NDUFS6: variants seen among roughly 807,000 people sequenced by gnomAD.
The protein encoded by NDUFS6 is NADH dehydrogenase [ubiquinone] iron-sulfur protein 6, mitochondrial.
Under a neutral mutation model 13.2 loss-of-function variants are expected in NDUFS6, and 14 were observed. The ratio of observed to expected loss-of-function variants is 1.06; its 90% CI spans 0.70 to 1.66. NDUFS6 has a LOEUF of 1.66. Among genes scored for constraint, NDUFS6 ranks in the 40% most tolerant of loss-of-function variants. NDUFS6 has a pLI of 0.00. For missense variants in NDUFS6, 206 were observed against 170.8 expected, an observed-to-expected ratio of 1.21 and a Z score of -1.15; for synonymous variants, 95 against 72.3, an observed-to-expected ratio of 1.31 and a Z score of -1.60.
chr5:1,808,230 G>A (rs1007104005), intron 2 of NDUFS6, among the ~76,000 whole-genome samples: 2 of 152,188 alleles, frequency 1.3e-5, no homozygotes, highest in African/African-American at 4.8e-5. Context: ...TCCTTTAGGG[G>A]GTGTTTGAGA....
chr5:1,805,843 T>C (rs1734114117), intron 2 of NDUFS6, among the ~76,000 whole-genome samples: 1 of 152,216 alleles, frequency 6.6e-6, no homozygotes, highest in Non-Finnish European at 1.5e-5. Flanking sequence ...ATTTGCTTTT[T>C]TGGTTAGTAG....
intron 1 of NDUFS6, 153 bp from the exon 2 acceptor site, chr5:1,802,168 C>T (rs1473074364): frequency 4.5e-6 from 3 of 670,972 alleles, no homozygotes; most frequent in Non-Finnish European, 7.7e-6. Flanking sequence ...TAAAAATGCC[C>T]CTGATTACAC....
At chr5:1,815,496 A>G (rs541646028) in intron 3 of NDUFS6, among the ~76,000 whole-genome samples, 1 of 152,356 alleles carries the variant, frequency 6.6e-6, no homozygotes, top group South Asian at 2.1e-4. Flanking sequence ...GGCACCCGGC[A>G]TGTCCCCTCC....
Position 1,814,531 on chromosome 5 carries a change from T to C in NDUFS6, c.309+70T>C. On this transcript the variant is annotated intron_variant, in intron 3 of 3. Coordinates refer to ENST00000274137, the MANE Select transcript of NDUFS6 (RefSeq NM_004553.6). The surrounding 1 kb of genome is among the most constrained non-coding windows in gnomAD (Gnocchi z 4.9). Reference sequence around the variant, plus strand: ...TCCTCATACTCCCCTTCACTCCCAGTGCCTGTTCTTTCTGTCCTCTTCTCT... The same window carrying C: ...TCCTCATACTCCCCTTCACTCCCAGCGCCTGTTCTTTCTGTCCTCTTCTCT... 1.9e-6 allele frequency: 3 copies of C among 1,610,542 alleles called. No homozygotes were observed. The highest frequency in any genetic ancestry group is 2.5e-6 in the Non-Finnish European group (3 of 1,178,000).
At position 1,815,850 on chromosome 5, in the gene NDUFS6, G is replaced by A. The variant is rs1158556889; in HGVS notation, c.310-1G>A. Reference sequence around the variant, plus strand: ...ACATCATTCCTTTTGAATTTTTTCAGGACAAAGAAACAAAAACCGGCACAT... The same window carrying A: ...ACATCATTCCTTTTGAATTTTTTCAAGACAAAGAAACAAAAACCGGCACAT... On this transcript the variant is annotated splice_acceptor_variant, in intron 3 of 3. Transcript: ENST00000274137. LOFTEE classifies it high-confidence loss of function. 6.2e-7 allele frequency: 1 copy of A among 1,614,054 alleles called. No homozygotes were observed. The highest frequency in any genetic ancestry group is 8.5e-7 in the Non-Finnish European group (1 of 1,180,018).
chr5:1,812,945 C>T (rs1218327787), intron 2 of NDUFS6, among the ~76,000 whole-genome samples: 2 of 152,048 alleles, frequency 1.3e-5, no homozygotes, highest in South Asian at 2.1e-4. Flanking sequence ...CCCAGCTACT[C>T]GGGAGGCTGA....
In NDUFS6 at chr5:1,814,139, C is replaced by T. The variant is rs976855768; in HGVS notation, c.187-200C>T. Among the ~76,000 whole-genome samples the T allele has an allele frequency of 2.6e-5, 4 of 152,204 alleles. No homozygotes were observed. Among genetic ancestry groups the T allele is most frequent in the African/African-American group, 7.2e-5 (3 of 41,442 alleles). ...TGCTGGGATTCTTGCAGTGCCTCTC[C>T]GCGTTTGGAACTTTATTCCAGTGAA... is the stretch of plus-strand genomic sequence containing the variant. On this transcript the variant is annotated intron_variant, in intron 2 of 3. Coordinates refer to ENST00000274137, the MANE Select transcript of NDUFS6 (RefSeq NM_004553.6). This position sits in a 1 kb window ranked among gnomAD's most constrained non-coding sequence, Gnocchi z 4.9.
At chr5:1,802,085 C>T (rs1189712718) in intron 1 of NDUFS6, 18 of 531,872 alleles carry the variant, frequency 3.4e-5, no homozygotes, top group Non-Finnish European at 1.7e-5. Context: ...TCCTTAGCTC[C>T]ACCTTCCCGG....
Position 1,814,555 on chromosome 5 carries a change from C to G in NDUFS6, c.309+94C>G, listed in dbSNP as rs764133987. 6 of 1,586,262 alleles carry G rather than the reference C, an allele frequency of 3.8e-6. No individual in the cohort carries two copies. In the Admixed American group the frequency reaches 5.2e-5, roughly 14 times the overall value. ...GTGCCTGTTCTTTCTGTCCTCTTCT[C>G]TACCTGCTCCCGAGGCGGCCCTTAC... On this transcript the variant is annotated intron_variant, in intron 3 of 3. Coordinates refer to ENST00000274137, the MANE Select transcript of NDUFS6 (RefSeq NM_004553.6). The surrounding 1 kb of genome is among the most constrained non-coding windows in gnomAD (Gnocchi z 4.9).
At chr5:1,812,337 TCCAACAGAG>T (rs1734230778) in intron 2 of NDUFS6, among the ~76,000 whole-genome samples, 3 of 151,914 alleles carry the variant, frequency 2.0e-5, no homozygotes, top group African/African-American at 7.2e-5. Context: ...CTATTCAGTT[TCCAACAGAG>T]GAACTTTGGG....
In NDUFS6 at chr5:1,802,178, C is replaced by G; in HGVS notation, c.133-143C>G. 6 of 747,118 alleles carry G rather than the reference C, an allele frequency of 8.0e-6. No individual in the cohort carries two copies. The South Asian group carries it at 9.5e-5, about 12-fold the overall frequency. 46.3% of individuals were successfully genotyped at this position (747,118 alleles called of 1,614,324 possible). A position where few individuals can be genotyped will look rare whatever the true frequency, so the allele number is the denominator to read the frequency against. On this transcript the variant is annotated intron_variant, in intron 1 of 3. Coordinates refer to ENST00000274137, the MANE Select transcript of NDUFS6 (RefSeq NM_004553.6). The stretch of plus-strand genomic sequence containing the variant: ...CTCGCTAAAAATGCCCCTGATTACA[C>G]CGAGTACTGTGCACTTGTTTGACTT...
intron 2 of NDUFS6, among the ~76,000 whole-genome samples, chr5:1,808,052 C>T (rs908250956): frequency 1.3e-5 from 2 of 152,148 alleles, no homozygotes; most frequent in African/African-American, 4.8e-5. Context: ...GAAGGTCCTC[C>T]GTGAGAGGAA....
chr5:1,813,426 T>C (rs1734250907), intron 2 of NDUFS6, among the ~76,000 whole-genome samples: 1 of 152,188 alleles, frequency 6.6e-6, no homozygotes, highest in African/African-American at 2.4e-5. Context: ...CCTTTCCACC[T>C]CACAGTAGTA....
intron 2 of NDUFS6, among the ~76,000 whole-genome samples, chr5:1,809,612 C>T (rs1579215439): frequency 6.6e-6 from 1 of 152,242 alleles, no homozygotes; most frequent in Non-Finnish European, 1.5e-5. Context: ...AGTGTCGAGG[C>T]GTCAGCAGCC....
In NDUFS6 at chr5:1,802,322, T is replaced by C. The variant is rs1734059780; in HGVS notation, c.134T>C (p.Val45Ala). 2 of 1,613,922 alleles carry C rather than the reference T, an allele frequency of 1.2e-6. No individual in the cohort carries two copies. Among genetic ancestry groups the C allele is most frequent in the Non-Finnish European group, 1.7e-6 (2 of 1,179,926 alleles). ...TGEKVTHTGQVYDDKDYRRIR... is the reference protein window; with the variant it reads ...TGEKVTHTGQAYDDKDYRRIR... ...CATGGTCTTTTTGTTTTTTTCCAGGTTTATGATGATAAAGACTACAGGAGA... is the reference window on the plus strand; with the variant it reads ...CATGGTCTTTTTGTTTTTTTCCAGGCTTATGATGATAAAGACTACAGGAGA... Residue 45 changes from valine to alanine, a missense_variant and splice_region_variant, in exon 2 of 4, where the codon GTT (valine) becomes GCT (alanine). Physicochemically the swap from Val to Ala is moderately conservative, Grantham distance 64 (BLOSUM62 0). Transcript: ENST00000274137.
At chr5:1,804,779 A>G (rs994401058) in intron 2 of NDUFS6, among the ~76,000 whole-genome samples, 3 of 152,240 alleles carry the variant, frequency 2.0e-5, no homozygotes, top group East Asian at 1.9e-4. Context: ...GCCATCTCTC[A>G]TTAGTGTGCT....
intron 2 of NDUFS6, among the ~76,000 whole-genome samples, chr5:1,810,164 C>T (rs1032692457): frequency 2.6e-5 from 4 of 152,364 alleles, no homozygotes; most frequent in Admixed American, 2.6e-4. Flanking sequence ...CCTGTTGCTG[C>T]TTCCACTCTG....
intron 2 of NDUFS6, among the ~76,000 whole-genome samples, chr5:1,813,991 G>A (rs1337804186): frequency 6.6e-6 from 1 of 152,220 alleles, no homozygotes; most frequent in African/African-American, 2.4e-5. Context: ...ACAGGCCCGA[G>A]CAATACAAAT....
Position 1,815,854 on chromosome 5 carries a change from A to G in NDUFS6, c.313A>G (p.Lys105Glu). The G allele has an allele frequency of 1.2e-6, 2 of 1,614,262 alleles. No homozygotes were observed. Among genetic ancestry groups the G allele is most frequent in the Non-Finnish European group, 1.7e-6 (2 of 1,180,038 alleles). The change falls in exon 4 of 4, where the codon AAA becomes GAA. Residue 105 changes from lysine to glutamate, a missense_variant. Physicochemically the swap from Lys to Glu is moderately conservative, Grantham distance 56 (BLOSUM62 1). Transcript: ENST00000274137. The stretch of plus-strand genomic sequence containing the variant: ...CATTCCTTTTGAATTTTTTCAGGAC[A>G]AAGAAACAAAAACCGGCACATGCGG... ...GHPKVYINLD[K>E]ETKTGTCGYC...
Sources: gnomAD v4.1 joint callset for allele counts (sites outside exome capture counted in the v4.1 genomes callset) on GRCh38, gnomAD v4.1.1 for gene constraint, Gnocchi (gnomAD v3.1) non-coding constraint, MANE v1.5 for transcripts, NCBI Gene and HGNC (gene_info 2026-07-23, HGNC 2026-07-21) for gene names.